The following MAML2 variants were observed in gnomAD, a reference collection of about 807,000 sequenced individuals.
MAML2 encodes the protein mastermind-like protein 2.
MAML2 carries 22 observed loss-of-function variants against 96.1 expected under a neutral mutation model. The observed-to-expected ratio is 0.23, with a 90% confidence interval of 0.16 to 0.33. The LOEUF is 0.33. Ranked by LOEUF, MAML2 falls within the 10% of genes least tolerant of loss-of-function variation. MAML2 has a pLI of 1.00. For missense variants in MAML2, 1,367 were observed against 1,392.4 expected (o/e 0.98, Z 0.29); for synonymous variants, 561 against 521.3 (o/e 1.08, Z -1.04).
At chr11:96,132,806 C>A (rs1347891114) in intron 1 of MAML2, among the ~76,000 whole-genome samples, 1 of 152,154 alleles carries the variant, frequency 6.6e-6, no homozygotes, top group Admixed American at 6.5e-5. Flanking sequence ...TTCTGGACTG[C>A]TGTATGTTAC....
At chr11:96,208,811 TA>T (rs1052337445) in intron 1 of MAML2, among the ~76,000 whole-genome samples, 5 of 150,854 alleles carry the variant, frequency 3.3e-5, no homozygotes, top group East Asian at 1.9e-4. Flanking sequence ...TTAAAGAAAT[TA>T]AAAAAAAATC....
chr11:96,334,460 A>C (rs887627380), intron 1 of MAML2, among the ~76,000 whole-genome samples: 1 of 152,128 alleles, frequency 6.6e-6, no homozygotes, highest in East Asian at 1.9e-4. Context: ...AAACACAACT[A>C]AGTGTTAGAG....
At chr11:96,183,147 C>T (rs934473744) in intron 1 of MAML2, among the ~76,000 whole-genome samples, 4 of 151,734 alleles carry the variant, frequency 2.6e-5, no homozygotes, top group Non-Finnish European at 5.9e-5. Flanking sequence ...TTAGTAGAGA[C>T]AGGGTTACAT....
intron 2 of MAML2, among the ~76,000 whole-genome samples, chr11:96,066,002 T>C (rs1410600096): frequency 6.6e-6 from 1 of 152,086 alleles, no homozygotes; most frequent in Non-Finnish European, 1.5e-5. Context: ...TTCTCCCCAA[T>C]CTCTTCTAAA....
intron 1 of MAML2, among the ~76,000 whole-genome samples, chr11:96,106,047 G>T (rs1372988227): frequency 6.6e-6 from 1 of 152,130 alleles, no homozygotes; most frequent in Non-Finnish European, 1.5e-5. Flanking sequence ...AATGTTTCTT[G>T]ATTATTTAAA....
intron 2 of MAML2, among the ~76,000 whole-genome samples, chr11:96,085,000 T>C (rs1479531967): frequency 6.6e-6 from 1 of 152,220 alleles, no homozygotes; most frequent in Non-Finnish European, 1.5e-5. Flanking sequence ...AAACTTGATT[T>C]AGCAGGATGC....
chr11:96,340,243 C>T (rs1035792351), intron 1 of MAML2, among the ~76,000 whole-genome samples: 4 of 152,202 alleles, frequency 2.6e-5, no homozygotes, highest in Admixed American at 6.5e-5. Flanking sequence ...CACAATAGCA[C>T]CATCTCCTTT....
At chr11:96,093,761 G>T (rs1276297192) in intron 1 of MAML2, among the ~76,000 whole-genome samples, 1 of 152,182 alleles carries the variant, frequency 6.6e-6, no homozygotes, top group African/African-American at 2.4e-5. Context: ...AGAGATCAGT[G>T]GTTCCCATGA....
Position 96,183,393 on chromosome 11 carries a change from T to TCC in MAML2, c.514-89878_514-89877dup, listed in dbSNP as rs1177195850. Among the ~76,000 whole-genome samples the TCC allele has an allele frequency of 1.4e-3, 115 of 81,868 alleles. 2 individuals carry two copies. Among genetic ancestry groups the TCC allele is most frequent in the African/African-American group, 3.6e-3 (72 of 19,884 alleles). The allele number at this position is 81,868 out of a possible 152,430, so 53.7% of individuals were successfully genotyped here. On this transcript the variant is annotated intron_variant, in intron 1 of 4. Transcript: ENST00000524717. ...CTTCCTCCTTCCCTTCCTCCGTTCC[T>TCC]CCCCCCCCCCCCTTTCTTTTGAGAC...
intron 1 of MAML2, among the ~76,000 whole-genome samples, chr11:96,188,225 G>A (rs899619160): frequency 1.3e-5 from 2 of 152,196 alleles, no homozygotes; most frequent in African/African-American, 4.8e-5. Context: ...TTTTTCTTAA[G>A]CTTTCCCAAG....
intron 1 of MAML2, among the ~76,000 whole-genome samples, chr11:96,246,793 G>C (rs1862518135): frequency 6.6e-6 from 1 of 152,110 alleles, no homozygotes; most frequent in Admixed American, 6.6e-5. Context: ...AATATATACA[G>C]TTTGAGGTTG....
At chr11:96,299,770 G>C (rs1863360643) in intron 1 of MAML2, among the ~76,000 whole-genome samples, 1 of 152,170 alleles carries the variant, frequency 6.6e-6, no homozygotes, top group Non-Finnish European at 1.5e-5. Flanking sequence ...CCCTGCAGTA[G>C]CTTCCTCCCC....
intron 1 of MAML2, among the ~76,000 whole-genome samples, chr11:96,314,822 T>C (rs918484760): frequency 2.6e-5 from 4 of 152,050 alleles, no homozygotes; most frequent in Admixed American, 2.0e-4. Context: ...GTTATGGGAG[T>C]GGCAGGGGCA....
chr11:96,342,252 G>A lies in MAML2; in HGVS notation c.-357C>T. 2.3e-6 allele frequency: 1 copy of A among 441,890 alleles called. No individual in the cohort carries two copies. The highest frequency in any genetic ancestry group is 4.0e-6 in the Non-Finnish European group (1 of 250,548). 27.4% of individuals were successfully genotyped at this position (441,890 alleles called of 1,614,324 possible). ...TAGGTACTTTGTAAACACACGATCT[G>A]GGGGTTAGATCAAGAATTCAGGGAT... On this transcript the variant is annotated 5_prime_UTR_variant, in exon 1 of 5. Coordinates refer to ENST00000524717, the MANE Select transcript of MAML2 (RefSeq NM_032427.4).
chr11:96,264,959 C>T (rs1862806132), intron 1 of MAML2, among the ~76,000 whole-genome samples: 1 of 152,144 alleles, frequency 6.6e-6, no homozygotes, highest in Non-Finnish European at 1.5e-5. Flanking sequence ...AGAGCAAGAC[C>T]TTCTGGCTTT....
At chr11:96,103,031 C>T (rs1026484764) in intron 1 of MAML2, among the ~76,000 whole-genome samples, 1 of 152,166 alleles carries the variant, frequency 6.6e-6, no homozygotes, top group Non-Finnish European at 1.5e-5. Context: ...TCTCCTTTTG[C>T]TTGGAGGGCC....
At chr11:96,217,275 C>T (rs1020976189) in intron 1 of MAML2, among the ~76,000 whole-genome samples, 1 of 152,130 alleles carries the variant, frequency 6.6e-6, no homozygotes, top group African/African-American at 2.4e-5. Flanking sequence ...CACTCCTGTG[C>T]ATTTACTAAA....
intron 1 of MAML2, among the ~76,000 whole-genome samples, chr11:96,143,708 A>G (rs893592758): frequency 6.6e-6 from 1 of 152,204 alleles, no homozygotes; most frequent in African/African-American, 2.4e-5. Flanking sequence ...TTTAGACTCC[A>G]AGAATGATAA....
At chr11:96,103,303 TATC>T in intron 1 of MAML2, among the ~76,000 whole-genome samples, 1 of 152,270 alleles carries the variant, frequency 6.6e-6, no homozygotes, top group African/African-American at 2.4e-5. Context: ...CAATGTGACT[TATC>T]AGGCACCTAG....
Sources: gnomAD v4.1 joint callset for allele counts (sites outside exome capture counted in the v4.1 genomes callset) on GRCh38, gnomAD v4.1.1 for gene constraint, MANE v1.5 for transcripts, NCBI Gene and HGNC (gene_info 2026-07-23, HGNC 2026-07-21) for gene names.